REPS2: variants seen among roughly 807,000 people sequenced by gnomAD.
The protein encoded by REPS2 is ralBP1-associated Eps domain-containing protein 2.
A neutral mutation model predicts 53.6 loss-of-function variants in REPS2; 23 were observed. The ratio of observed to expected loss-of-function variants is 0.43; its 90% CI spans 0.31 to 0.61. The LOEUF is 0.61. REPS2 is among the 20% of genes least tolerant of loss of function. The pLI is 0.11. For synonymous variants in REPS2, 238 were observed against 218.6 expected (o/e 1.09, Z -0.78); for missense variants, 446 against 534.9 (o/e 0.83, Z 1.64).
chrX:17,072,442 GTC>G (rs2062320314), intron 11 of REPS2, among the ~76,000 whole-genome samples: 1 of 111,062 alleles, frequency 9.0e-6, no homozygotes. Context: ...CTCTAGTCCT[GTC>G]TCTCCACTAC....
chrX:17,042,516 C>T (rs1417798187), intron 5 of REPS2, among the ~76,000 whole-genome samples: 1 of 111,534 alleles, frequency 9.0e-6, no homozygotes, highest in Non-Finnish European at 1.9e-5. Context: ...CAGAGTGGTG[C>T]TGAGCTACCA....
chrX:16,981,441 T>G (rs1028452215), intron 1 of REPS2, among the ~76,000 whole-genome samples: 2 of 112,987 alleles, frequency 1.8e-5, no homozygotes, highest in Non-Finnish European at 3.7e-5. Flanking sequence ...GAATTTGCTG[T>G]GATATGATAG....
At chrX:16,997,686 G>T (rs1449232901) in intron 1 of REPS2, among the ~76,000 whole-genome samples, 3 of 112,545 alleles carry the variant, frequency 2.7e-5, no homozygotes, top group Non-Finnish European at 5.6e-5. Flanking sequence ...AAAAACATCT[G>T]TAGAATTACT....
At chrX:17,169,907 C>T in the REPS2 span, among the ~76,000 whole-genome samples, 21 of 111,356 alleles carry the variant, frequency 1.9e-4, no homozygotes, top group African/African-American at 6.5e-4. Flanking sequence ...AGGTATAGGA[C>T]CCTCCAAGCT....
chrX:16,978,967 T>C (rs762866674), intron 1 of REPS2, among the ~76,000 whole-genome samples: 10 of 111,955 alleles, frequency 8.9e-5, no homozygotes, highest in Non-Finnish European at 1.5e-4. Flanking sequence ...GGCTCCTAGC[T>C]TCTAACACCT....
chrX:17,110,310 CTTTTTTT>C (rs202016963), intron 14 of REPS2, among the ~76,000 whole-genome samples: 1 of 86,533 alleles, frequency 1.2e-5, no homozygotes, highest in Non-Finnish European at 2.3e-5. Flanking sequence ...TTAGATTTCA[CTTTTTTT>C]TTTTTTTTTT....
At chrX:16,961,690 G>A (rs1027592900) in intron 1 of REPS2, among the ~76,000 whole-genome samples, 2 of 111,882 alleles carry the variant, frequency 1.8e-5, no homozygotes, top group Admixed American at 9.5e-5. Context: ...GGAACAATCC[G>A]CAAATAAAAG....
rs1435089858 is a variant in REPS2, at chrX:17,119,517, C to G, written c.1579-14307C>G. ...ATCAGATGTTAACGGAATGTGCTCA[C>G]TGTAGGCCCACAGTTTGCTGAGAAC... On this transcript the variant is annotated intron_variant, in intron 14 of 17. Transcript: ENST00000357277. Among the ~76,000 whole-genome samples the G allele has an allele frequency of 2.7e-5, 3 of 112,064 alleles. No homozygotes were observed. The East Asian group carries it at 8.4e-4, about 31-fold the overall frequency.
At chrX:16,964,813 G>A (rs1305086004) in intron 1 of REPS2, among the ~76,000 whole-genome samples, 1 of 25,776 alleles carries the variant, frequency 3.9e-5, no homozygotes, top group African/African-American at 1.7e-4. Flanking sequence ...CCTCCCGGAC[G>A]GGGCGGCTGG....
intron 1 of REPS2, among the ~76,000 whole-genome samples, chrX:16,971,065 C>G (rs1424037750): frequency 8.9e-6 from 1 of 112,335 alleles, no homozygotes; most frequent in African/African-American, 3.2e-5. Context: ...GAGGAACTGC[C>G]AGGCTCTTTT....
At chrX:17,170,174 G>A in the REPS2 span, among the ~76,000 whole-genome samples, 1 of 112,591 alleles carries the variant, frequency 8.9e-6, no homozygotes, top group Non-Finnish European at 1.9e-5. Flanking sequence ...GTTGGGTATT[G>A]TACACCTCAG....
At chrX:17,018,454 G>T (rs2061528703) in intron 2 of REPS2, among the ~76,000 whole-genome samples, 1 of 110,710 alleles carries the variant, frequency 9.0e-6, no homozygotes, top group Admixed American at 9.7e-5. Flanking sequence ...CTCCCAAAGT[G>T]CTGGGATTAC....
intron 14 of REPS2, among the ~76,000 whole-genome samples, chrX:17,129,373 C>T (rs1023148865): frequency 1.8e-5 from 2 of 112,035 alleles, no homozygotes; most frequent in African/African-American, 6.5e-5. Flanking sequence ...ATCACACAGC[C>T]GGTTATCTTT....
intron 8 of REPS2, among the ~76,000 whole-genome samples, chrX:17,059,120 C>G (rs1404092959): frequency 5.6e-5 from 6 of 106,320 alleles, no homozygotes; most frequent in Non-Finnish European, 1.2e-4. Flanking sequence ...ATGCCATTCT[C>G]CTGCCTCAGC....
intron 1 of REPS2, among the ~76,000 whole-genome samples, chrX:16,959,528 G>A (rs2060635964): frequency 8.9e-6 from 1 of 111,901 alleles, no homozygotes; most frequent in Admixed American, 9.5e-5. Context: ...TACATATGGT[G>A]GGAAAGGTTG....
the REPS2 span, among the ~76,000 whole-genome samples, chrX:17,168,822 A>G: frequency 2.7e-5 from 3 of 111,846 alleles, no homozygotes; most frequent in Admixed American, 2.9e-4. Flanking sequence ...AGCACAGTAC[A>G]TTGGTTGCAG....
intron 7 of REPS2, 128 bp from the exon 8 acceptor site, chrX:17,054,680 G>A: frequency 1.5e-6 from 1 of 649,175 alleles, no homozygotes; most frequent in Non-Finnish European, 2.3e-6. Context: ...AAATGGATTT[G>A]GCTAGGAGGG....
At chrX:16,988,398 G>A (rs1033197520) in intron 1 of REPS2, among the ~76,000 whole-genome samples, 2 of 112,381 alleles carry the variant, frequency 1.8e-5, no homozygotes, top group African/African-American at 3.2e-5. Context: ...AGTTCAGCAA[G>A]GTTTCAGGAT....
chrX:17,071,155 A>G lies in REPS2; in HGVS notation c.1333+1162A>G, dbSNP rs1163280124. ...AGCTTAATTTTGACTCTTGAAACAG[A>G]TTTGAATTCATTCCTTATTGGGTGA... On this transcript the variant is annotated intron_variant, in intron 11 of 17. Transcript: ENST00000357277. Among the ~76,000 whole-genome samples the G allele has an allele frequency of 2.7e-5, 3 of 112,298 alleles. No individual in the cohort carries two copies. In the East Asian group the frequency reaches 8.4e-4, roughly 31 times the overall value.
Sources: gnomAD v4.1 joint callset for allele counts (sites outside exome capture counted in the v4.1 genomes callset) on GRCh38, gnomAD v4.1.1 for gene constraint, MANE v1.5 for transcripts, NCBI Gene and HGNC (gene_info 2026-07-23, HGNC 2026-07-21) for gene names.